IL1RAPL1: variants seen among roughly 807,000 people sequenced by gnomAD.
IL1RAPL1 encodes interleukin-1 receptor accessory protein-like 1.
A neutral mutation model predicts 48.4 loss-of-function variants in IL1RAPL1; 3 were observed. That is an observed-to-expected ratio of 0.06 (90% CI 0.03 to 0.16). The LOEUF is 0.16. Among genes scored for constraint, IL1RAPL1 ranks in the 10% least tolerant of loss-of-function variants. The pLI is 1.00. For synonymous variants in IL1RAPL1, 185 were observed against 187.7 expected (o/e 0.99, Z 0.12); for missense variants, 349 against 530.6 (o/e 0.66, Z 3.36).
At chrX:29,080,940 C>CT (rs1555960670) in intron 2 of IL1RAPL1, among the ~76,000 whole-genome samples, 1 of 32,525 alleles carries the variant, frequency 3.1e-5, no homozygotes, top group African/African-American at 1.6e-4. Flanking sequence ...TTCTTTCTTT[C>CT]TTTCTTTCTT....
chrX:29,098,392 C>A (rs1216278100), intron 2 of IL1RAPL1, among the ~76,000 whole-genome samples: 5 of 111,928 alleles, frequency 4.5e-5, no homozygotes, highest in African/African-American at 1.6e-4. Flanking sequence ...TCCATGGTTA[C>A]CCTGTTCACC....
intron 2 of IL1RAPL1, among the ~76,000 whole-genome samples, chrX:29,101,048 T>A (rs1276920133): frequency 9.0e-6 from 1 of 111,682 alleles, no homozygotes; most frequent in African/African-American, 3.3e-5. Context: ...TATTTTATCA[T>A]ATAAAAAGAA....
chrX:29,939,388 T>A (rs1329431451), intron 8 of IL1RAPL1, among the ~76,000 whole-genome samples: 1 of 112,170 alleles, frequency 8.9e-6, no homozygotes, highest in East Asian at 2.8e-4. Flanking sequence ...TCCTGATGTA[T>A]AAATCACCCT....
chrX:28,995,520 A>G (rs1925706240), intron 2 of IL1RAPL1, among the ~76,000 whole-genome samples: 1 of 111,459 alleles, frequency 9.0e-6, no homozygotes. Context: ...TGATCATCAA[A>G]TGATAAAAAT....
At chrX:29,465,476 C>T (rs1316279411) in intron 5 of IL1RAPL1, among the ~76,000 whole-genome samples, 1 of 111,742 alleles carries the variant, frequency 8.9e-6, no homozygotes, top group Non-Finnish European at 1.9e-5. Context: ...CTTTTAGACA[C>T]TTCAGTGCGT....
chrX:29,925,410 C>CTGTT (rs1932878098), intron 8 of IL1RAPL1, among the ~76,000 whole-genome samples: 1 of 6,066 alleles, frequency 1.6e-4, no homozygotes, highest in Non-Finnish European at 4.2e-4. Context: ...TGTCCCGTAA[C>CTGTT]TGTTTTTTTT....
At chrX:29,849,780 G>T (rs771636008) in intron 6 of IL1RAPL1, among the ~76,000 whole-genome samples, 37 of 111,943 alleles carry the variant, frequency 3.3e-4, no homozygotes, top group Non-Finnish European at 5.6e-4. Flanking sequence ...GGATCAGGTC[G>T]AAGAGGCTGC....
At chrX:29,242,062 C>G (rs1411623894) in intron 2 of IL1RAPL1, among the ~76,000 whole-genome samples, 1 of 111,869 alleles carries the variant, frequency 8.9e-6, no homozygotes, top group East Asian at 2.8e-4. Flanking sequence ...AGAGTCAGAG[C>G]TGAGGCTGTA....
intron 6 of IL1RAPL1, among the ~76,000 whole-genome samples, chrX:29,832,170 G>A (rs1569181431): frequency 9.0e-6 from 1 of 111,543 alleles, no homozygotes; most frequent in Non-Finnish European, 1.9e-5. Flanking sequence ...TGGATTCTAG[G>A]TATCCTTGGT....
At chrX:29,337,661 A>G (rs1029499390) in intron 3 of IL1RAPL1, among the ~76,000 whole-genome samples, 4 of 111,266 alleles carry the variant, frequency 3.6e-5, no homozygotes, top group Admixed American at 9.6e-5. Context: ...GCTTAAAACA[A>G]TATCTGACAA....
At chrX:29,153,456 T>C (rs1050980435) in intron 2 of IL1RAPL1, among the ~76,000 whole-genome samples, 5 of 112,097 alleles carry the variant, frequency 4.5e-5, no homozygotes, top group Non-Finnish European at 7.5e-5. Context: ...CTATACTGGT[T>C]TACCCTTATC....
chrX:28,849,566 G>T (rs1245560459), intron 2 of IL1RAPL1, among the ~76,000 whole-genome samples: 1 of 111,846 alleles, frequency 8.9e-6, no homozygotes, highest in Non-Finnish European at 1.9e-5. Context: ...ATTAAACAAC[G>T]ATATAAGACT....
Position 28,622,534 on chromosome X carries a change from G to T in IL1RAPL1, c.-25+34487G>T, listed in dbSNP as rs747634993. On this transcript the variant is annotated intron_variant, in intron 1 of 10. Transcript: ENST00000378993. ...CTATGTGATCATAAAATTCATTTAT[G>T]CTTTTTATTAATCAGTGAGAGAAGT... is the stretch of plus-strand genomic sequence containing the variant. Among the ~76,000 whole-genome samples the T allele has an allele frequency of 7.2e-5, 8 of 111,703 alleles. No individual in the cohort carries two copies. The East Asian group carries it at 2.0e-3, about 28-fold the overall frequency.
intron 2 of IL1RAPL1, among the ~76,000 whole-genome samples, chrX:28,926,784 T>C (rs1923754177): frequency 9.0e-6 from 1 of 111,568 alleles, no homozygotes; most frequent in African/African-American, 3.3e-5. Flanking sequence ...TCACAACAGT[T>C]ATGTCTTCTT....
chrX:29,412,370 T>C (rs1372379039), intron 5 of IL1RAPL1, among the ~76,000 whole-genome samples: 1 of 112,178 alleles, frequency 8.9e-6, no homozygotes, highest in Non-Finnish European at 1.9e-5. Flanking sequence ...ATGTGTCCAC[T>C]GAGCAACTGA....
At chrX:29,065,926 A>G (rs764496652) in intron 2 of IL1RAPL1, among the ~76,000 whole-genome samples, 2 of 111,696 alleles carry the variant, frequency 1.8e-5, no homozygotes, top group Non-Finnish European at 3.8e-5. Context: ...TTGCCATCAT[A>G]ATTTCCTTTA....
chrX:29,882,347 C>T (rs920423263), intron 6 of IL1RAPL1, among the ~76,000 whole-genome samples: 1 of 111,349 alleles, frequency 9.0e-6, no homozygotes, highest in African/African-American at 3.3e-5. Flanking sequence ...GTCCTGGATT[C>T]AAATTTTGGG....
intron 5 of IL1RAPL1, among the ~76,000 whole-genome samples, chrX:29,584,178 T>C (rs1602310022): frequency 1.8e-5 from 2 of 111,302 alleles, no homozygotes. Flanking sequence ...GTCCATACTC[T>C]GTCCATATCA....
intron 6 of IL1RAPL1, among the ~76,000 whole-genome samples, chrX:29,669,347 G>A (rs1926085186): frequency 9.0e-6 from 1 of 111,496 alleles, no homozygotes; most frequent in Non-Finnish European, 1.9e-5. Context: ...GAATATCCAT[G>A]TTTGTTAAGG....
Sources: gnomAD v4.1 joint callset for allele counts (sites outside exome capture counted in the v4.1 genomes callset) on GRCh38, gnomAD v4.1.1 for gene constraint, MANE v1.5 for transcripts, NCBI Gene and HGNC (gene_info 2026-07-23, HGNC 2026-07-21) for gene names.